The following CDH13 variants were observed in gnomAD, a reference collection of about 807,000 sequenced individuals.
CDH13 encodes cadherin 13.
A neutral mutation model predicts 63.8 loss-of-function variants in CDH13; 24 were observed. That is an observed-to-expected ratio of 0.38 (90% CI 0.27 to 0.53). CDH13 has a LOEUF of 0.53. CDH13 is among the 20% of genes least tolerant of loss of function. CDH13 has a pLI of 0.85. For missense variants in CDH13, 1,049 were observed against 903.1 expected (o/e 1.16, Z -2.07); for synonymous variants, 503 against 355.3 (o/e 1.42, Z -4.67).
intron 1 of CDH13, among the ~76,000 whole-genome samples, chr16:82,658,986 T>C (rs946147664): frequency 3.3e-5 from 5 of 152,168 alleles, no homozygotes; most frequent in African/African-American, 4.8e-5. Context: ...CTATGTCTTG[T>C]GCTGACTCTA....
At chr16:83,120,573 C>A (rs1370528869) in intron 3 of CDH13, among the ~76,000 whole-genome samples, 5 of 152,064 alleles carry the variant, frequency 3.3e-5, no homozygotes, top group Non-Finnish European at 7.4e-5. Flanking sequence ...AAGTTTACGT[C>A]TTTTTAAAGT....
chr16:83,546,842 T>C (rs996595262), intron 7 of CDH13, among the ~76,000 whole-genome samples: 1 of 152,224 alleles, frequency 6.6e-6, no homozygotes, highest in African/African-American at 2.4e-5. Flanking sequence ...CATGGCCATG[T>C]CTGTCTTTCT....
chr16:83,405,471 G>C (rs1294905378), intron 6 of CDH13, among the ~76,000 whole-genome samples: 1 of 152,170 alleles, frequency 6.6e-6, no homozygotes, highest in African/African-American at 2.4e-5. Context: ...CTTTGAAGTT[G>C]GAGGAAGAGG....
At chr16:82,830,124 G>C (rs2038462825) in intron 1 of CDH13, among the ~76,000 whole-genome samples, 1 of 152,134 alleles carries the variant, frequency 6.6e-6, no homozygotes, top group African/African-American at 2.4e-5. Context: ...CAAAGTTTTT[G>C]AAAGCTGAAT....
chr16:82,759,091 G>A (rs970757238), intron 1 of CDH13, among the ~76,000 whole-genome samples: 1 of 152,168 alleles, frequency 6.6e-6, no homozygotes, highest in African/African-American at 2.4e-5. Flanking sequence ...GGGGAAGCTG[G>A]CTCCCTGGGG....
intron 3 of CDH13, among the ~76,000 whole-genome samples, chr16:83,116,850 C>G (rs2035324020): frequency 6.6e-6 from 1 of 152,176 alleles, no homozygotes; most frequent in African/African-American, 2.4e-5. Context: ...CCAACTCTCC[C>G]TTTCCACAAA....
intron 6 of CDH13, among the ~76,000 whole-genome samples, chr16:83,379,878 A>G (rs962697661): frequency 1.3e-5 from 2 of 149,802 alleles, no homozygotes; most frequent in South Asian, 2.1e-4. Context: ...TAAAGATTAT[A>G]TGTGTGTGTA....
chr16:83,317,409 T>A (rs1222037453), intron 5 of CDH13, among the ~76,000 whole-genome samples: 2 of 152,156 alleles, frequency 1.3e-5, no homozygotes, highest in African/African-American at 2.4e-5. Flanking sequence ...TACATCTGCT[T>A]GAATTTCATC....
intron 4 of CDH13, among the ~76,000 whole-genome samples, chr16:83,203,971 A>G (rs559731099): frequency 6.6e-6 from 1 of 152,358 alleles, no homozygotes; most frequent in African/African-American, 2.4e-5. Flanking sequence ...TGTTCCTGCC[A>G]AGAGTTTGAT....
At chr16:82,674,612 C>T (rs550028905) in intron 1 of CDH13, among the ~76,000 whole-genome samples, 3 of 152,258 alleles carry the variant, frequency 2.0e-5, no homozygotes, top group Non-Finnish European at 2.9e-5. Context: ...AGAGAGATCT[C>T]CCTGGGGATT....
At chr16:83,322,163 G>A (rs1297514630) in intron 5 of CDH13, among the ~76,000 whole-genome samples, 1 of 152,168 alleles carries the variant, frequency 6.6e-6, no homozygotes, top group African/African-American at 2.4e-5. Flanking sequence ...CAAAGAGGAG[G>A]GAAACTGAGG....
intron 2 of CDH13, among the ~76,000 whole-genome samples, chr16:82,892,969 G>A (rs1465609118): frequency 6.6e-6 from 1 of 152,150 alleles, no homozygotes. Flanking sequence ...AAAAAATTGT[G>A]ACCTGTGAAC....
At chr16:82,986,931 T>C (rs1171543452) in intron 2 of CDH13, among the ~76,000 whole-genome samples, 2 of 152,206 alleles carry the variant, frequency 1.3e-5, no homozygotes, top group Non-Finnish European at 2.9e-5. Flanking sequence ...GAGTTAAGTC[T>C]ATGGAAAGGG....
chr16:83,542,750 G>A (rs543939315), intron 7 of CDH13, among the ~76,000 whole-genome samples: 3 of 152,252 alleles, frequency 2.0e-5, no homozygotes, highest in Admixed American at 6.5e-5. Flanking sequence ...GGCTGTCTCC[G>A]TGTGTGTCTT....
intron 1 of CDH13, among the ~76,000 whole-genome samples, chr16:82,641,491 C>A (rs1909389433): frequency 6.6e-6 from 1 of 152,176 alleles, no homozygotes; most frequent in Admixed American, 6.5e-5. Context: ...TGGTTAAGCA[C>A]CCTCCTGCAG....
chr16:83,125,271 T>C (rs992679994), intron 3 of CDH13, 114 bp from the exon 4 acceptor site: 18 of 653,244 alleles, frequency 2.8e-5, no homozygotes, highest in Admixed American at 7.2e-5. Flanking sequence ...TGGAATACAG[T>C]GAACACTTTC....
At chr16:83,772,970 G>T (rs899716448) in intron 11 of CDH13, 1 of 152,218 alleles carries the variant, frequency 6.6e-6, no homozygotes, top group African/African-American at 2.4e-5. Flanking sequence ...ACAATGGGAC[G>T]ATTTTTAAGA....
chr16:83,281,953 A>G (rs2089188578), intron 5 of CDH13, among the ~76,000 whole-genome samples: 1 of 152,106 alleles, frequency 6.6e-6, no homozygotes, highest in South Asian at 2.1e-4. Flanking sequence ...AAGCTTAATC[A>G]GTGTAGCTTT....
chr16:83,676,633 C>T (rs543413040), intron 9 of CDH13, among the ~76,000 whole-genome samples: 3 of 152,202 alleles, frequency 2.0e-5, no homozygotes, highest in Non-Finnish European at 4.4e-5. Flanking sequence ...TGTGCAGCCA[C>T]TCAGCACTAA....
Sources: allele counts gnomAD v4.1 joint callset (sites outside exome capture counted in the v4.1 genomes callset), GRCh38; gene constraint gnomAD v4.1.1; transcripts MANE v1.5; gene names NCBI Gene and HGNC (gene_info 2026-07-23, HGNC 2026-07-21).